ARHGEF28: variants seen among roughly 807,000 people sequenced by gnomAD.
ARHGEF28 encodes the protein Rho guanine nucleotide exchange factor 28.
ARHGEF28 carries 152 observed loss-of-function variants against 206.6 expected under a neutral mutation model. The observed-to-expected ratio is 0.74, with a 90% confidence interval of 0.64 to 0.84. The LOEUF (loss-of-function observed/expected upper bound fraction) is 0.84. Among genes scored for constraint, ARHGEF28 ranks in the 40% least tolerant of loss-of-function variants. The pLI is 0.00. For missense variants in ARHGEF28, 2,028 were observed against 2,073.2 expected (o/e 0.98, Z 0.42); for synonymous variants, 763 against 776.4 (o/e 0.98, Z 0.29).
chr5:73,870,203 AT>A lies in ARHGEF28; in HGVS notation c.2565del (p.Phe855LeufsTer3). 1 of 1,613,398 alleles carries A rather than the reference AT, an allele frequency of 6.2e-7. No individual in the cohort carries two copies. The highest frequency in any genetic ancestry group is 8.5e-7 in the Non-Finnish European group (1 of 1,179,640). ...EKDVIKRQDV[I>X]FELMQTEMHH... Reference sequence around the variant, plus strand: ...GGATGTCATCAAAAGACAGGATGTCATTTTTGGTAAGCGTTTCAAATATGCT... The same window carrying A: ...GGATGTCATCAAAAGACAGGATGTCATTTTGGTAAGCGTTTCAAATATGCT... On this transcript the variant is annotated frameshift_variant, in exon 21 of 36. Coordinates refer to ENST00000513042, the MANE Select transcript of ARHGEF28 (RefSeq NM_001177693.2). LOFTEE classifies it high-confidence loss of function.
intron 22 of ARHGEF28, among the ~76,000 whole-genome samples, chr5:73,874,224 G>T (rs1210932077): frequency 2.0e-5 from 3 of 151,876 alleles, no homozygotes; most frequent in Non-Finnish European, 4.4e-5. Flanking sequence ...TGGATTGTTT[G>T]TTTTCTTATT....
intron 1 of ARHGEF28, among the ~76,000 whole-genome samples, chr5:73,676,601 C>T (rs930309047): frequency 7.9e-5 from 12 of 152,162 alleles, no homozygotes; most frequent in Non-Finnish European, 1.8e-4. Flanking sequence ...CCAAAAACTT[C>T]TTCCATTTTC....
rs561137061 is a variant in ARHGEF28, at chr5:73,845,054, T to G, written c.1428-1214T>G. 1.6e-3 allele frequency among the ~76,000 whole-genome samples: 235 copies of G among 149,262 alleles called. 2 individuals carry two copies. Among genetic ancestry groups the G allele is most frequent in the African/African-American group, 5.7e-3 (231 of 40,454 alleles). ...TTTTTTTGAGACGGAGTCTTGCTCTTTTGCCCAGGCTGGAGTGCAGTGGTG... is the reference window on the plus strand; with the variant it reads ...TTTTTTTGAGACGGAGTCTTGCTCTGTTGCCCAGGCTGGAGTGCAGTGGTG... On this transcript the variant is annotated intron_variant, in intron 11 of 35. Coordinates refer to ENST00000513042, the MANE Select transcript of ARHGEF28 (RefSeq NM_001177693.2).
At chr5:73,781,288 T>C (rs979493387) in intron 7 of ARHGEF28, among the ~76,000 whole-genome samples, 1 of 152,154 alleles carries the variant, frequency 6.6e-6, no homozygotes, top group Non-Finnish European at 1.5e-5. Flanking sequence ...CTGTTTACAG[T>C]CCTGATGGTG....
intron 11 of ARHGEF28, among the ~76,000 whole-genome samples, chr5:73,843,896 C>T (rs1322282411): frequency 2.0e-5 from 3 of 152,152 alleles, no homozygotes; most frequent in Admixed American, 6.5e-5. Context: ...ATGCATGTCA[C>T]ACCATGAACG....
chr5:73,666,990 C>T (rs1745998141), intron 1 of ARHGEF28, among the ~76,000 whole-genome samples: 1 of 152,138 alleles, frequency 6.6e-6, no homozygotes, highest in African/African-American at 2.4e-5. Context: ...GGCACAGAAA[C>T]CCTTACTGTG....
chr5:73,650,571 C>T (rs1035548877), intron 1 of ARHGEF28, among the ~76,000 whole-genome samples: 1 of 152,140 alleles, frequency 6.6e-6, no homozygotes, highest in African/African-American at 2.4e-5. Flanking sequence ...GTGTGAGCCA[C>T]CGCGCCCAGC....
chr5:73,909,725 A>G lies in ARHGEF28; in HGVS notation c.4475A>G (p.Glu1492Gly), dbSNP rs1010379855. The G allele has an allele frequency of 6.6e-7, 1 of 1,519,024 alleles. No homozygotes were observed. The highest frequency in any genetic ancestry group is 1.4e-5 in the African/African-American group (1 of 72,518). The allele number at this position is 1,519,024 out of a possible 1,614,324, so 94.1% of individuals were successfully genotyped here. A position where few individuals can be genotyped will look rare whatever the true frequency, so the allele number is the denominator to read the frequency against. The change falls in exon 34 of 36, where the codon GAG becomes GGG. Residue 1492 changes from glutamate to glycine, a missense_variant. This residue lies in a region of ARHGEF28 where 803 missense variants were observed against 768.0 expected (regional missense o/e 1.05). Coordinates refer to ENST00000513042, the MANE Select transcript of ARHGEF28 (RefSeq NM_001177693.2). ...QEELLLRSRG[E>G]LDLQLQEYQH... ...GAGCTGCTGCTGCGGAGCCGGGGCGAGCTGGACCTCCAGCTCCAGGAGTAC... is the reference window on the plus strand; with the variant it reads ...GAGCTGCTGCTGCGGAGCCGGGGCGGGCTGGACCTCCAGCTCCAGGAGTAC...
At chr5:73,812,065 G>C (rs1405015134) in intron 9 of ARHGEF28, among the ~76,000 whole-genome samples, 2 of 151,258 alleles carry the variant, frequency 1.3e-5, no homozygotes. Flanking sequence ...CTATACTCTA[G>C]TTGTATTTTG....
At chr5:73,736,737 T>C (rs1343472192) in intron 2 of ARHGEF28, among the ~76,000 whole-genome samples, 1 of 152,112 alleles carries the variant, frequency 6.6e-6, no homozygotes, top group African/African-American at 2.4e-5. Flanking sequence ...TTCAGTAACA[T>C]CTATATGGTA....
chr5:73,813,925 A>AAG (rs1253512276), intron 9 of ARHGEF28, among the ~76,000 whole-genome samples: 1 of 151,936 alleles, frequency 6.6e-6, no homozygotes, highest in Non-Finnish European at 1.5e-5. Flanking sequence ...AAAAAAAAAA[A>AAG]AAGAAGGGAG....
intron 35 of ARHGEF28, among the ~76,000 whole-genome samples, chr5:73,939,051 C>A (rs1441182416): frequency 6.6e-6 from 1 of 151,142 alleles, no homozygotes; most frequent in Non-Finnish European, 1.5e-5. Context: ...GAAAAGATGG[C>A]CAAGCCATTT....
chr5:73,866,528 A>G (rs187110076), intron 18 of ARHGEF28, among the ~76,000 whole-genome samples: 1 of 152,308 alleles, frequency 6.6e-6, no homozygotes, highest in East Asian at 1.9e-4. Flanking sequence ...GTCCATTATT[A>G]TAATTACCTG....
intron 6 of ARHGEF28, 113 bp downstream of exon 6, chr5:73,776,809 C>T (rs1753572669): frequency 3.3e-6 from 3 of 915,712 alleles, no homozygotes; most frequent in African/African-American, 3.3e-5. Flanking sequence ...TTAATGAAAC[C>T]TTGGGGGACA....
chr5:73,794,316 A>G, intron 7 of ARHGEF28, 86 bp from the exon 8 acceptor site: 1 of 1,114,750 alleles, frequency 9.0e-7, no homozygotes, highest in South Asian at 1.4e-5. Flanking sequence ...CTCCTGGGCA[A>G]CTCATTTACA....
At chr5:73,665,663 G>A (rs1486291911) in intron 1 of ARHGEF28, among the ~76,000 whole-genome samples, 1 of 152,086 alleles carries the variant, frequency 6.6e-6, no homozygotes. Flanking sequence ...GGAAGAGGGG[G>A]CCAAACGTCC....
Position 73,829,240 on chromosome 5 carries a change from A to G in ARHGEF28, c.1025-3098A>G, listed in dbSNP as rs374195100. ...GTCATGCAGGTATTTTCTTTCAATC[A>G]TTCTGTTGATTGAAGGAGAAAGTCT... On this transcript the variant is annotated intron_variant, in intron 9 of 35. Transcript: ENST00000513042. 3.9e-5 allele frequency among the ~76,000 whole-genome samples: 6 copies of G among 152,356 alleles called. No homozygotes were observed. The South Asian group carries it at 8.3e-4, about 21-fold the overall frequency.
At chr5:73,732,089 C>A (rs1750656172) in intron 2 of ARHGEF28, among the ~76,000 whole-genome samples, 1 of 148,152 alleles carries the variant, frequency 6.7e-6, no homozygotes, top group Non-Finnish European at 1.5e-5. Flanking sequence ...CTGTAGTTTA[C>A]ATTAGGGTTC....
At chr5:73,845,986 C>CAAAAAAAAAAAAAAAAAAAAAAAAAA (rs57600570) in intron 11 of ARHGEF28, among the ~76,000 whole-genome samples, 4 of 63,732 alleles carry the variant, frequency 6.3e-5, no homozygotes, top group Non-Finnish European at 1.0e-4. Flanking sequence ...AAAACTGTCT[C>CAAAAAAAAAAAAAAAAAAAAAAAAAA]AAAAAAAAAA....
Sources: allele counts gnomAD v4.1 joint callset (sites outside exome capture counted in the v4.1 genomes callset), GRCh38; gene constraint gnomAD v4.1.1; regional missense constraint gnomAD v4.1.1; transcripts MANE v1.5; gene names NCBI Gene and HGNC (gene_info 2026-07-23, HGNC 2026-07-21).